UTRN: variants seen among roughly 807,000 people sequenced by gnomAD.
UTRN encodes dystrophin-related protein 1.
A neutral mutation model predicts 463.9 loss-of-function variants in UTRN; 283 were observed. That is an observed-to-expected ratio of 0.61 (90% CI 0.55 to 0.67). The LOEUF (loss-of-function observed/expected upper bound fraction) is 0.67. Ranked by LOEUF, UTRN falls within the 30% of genes least tolerant of loss-of-function variation. The probability of loss-of-function intolerance (pLI) is 0.00; values close to 1 mark genes in which losing one functional copy is unlikely to be tolerated. For missense variants in UTRN, 3,922 were observed against 4,084.3 expected (o/e 0.96, Z 1.08); for synonymous variants, 1,442 against 1,431.5 (o/e 1.01, Z -0.17).
chr6:144,574,717 G>T (rs552205102), intron 50 of UTRN, among the ~76,000 whole-genome samples: 114 of 152,208 alleles, frequency 7.5e-4, no homozygotes, highest in African/African-American at 2.7e-3. Flanking sequence ...GAGTAGCTGG[G>T]ATTACAGGCA....
intron 52 of UTRN, among the ~76,000 whole-genome samples, chr6:144,698,638 G>A (rs1174004665): frequency 6.6e-6 from 1 of 152,186 alleles, no homozygotes; most frequent in South Asian, 2.1e-4. Flanking sequence ...CGCTGGAGTT[G>A]TTTCTGACTG....
intron 29 of UTRN, 25 bp from the exon 30 acceptor site, chr6:144,488,648 A>C (rs1439949835): frequency 1.2e-6 from 2 of 1,605,604 alleles, no homozygotes; most frequent in Non-Finnish European, 1.7e-6. Context: ...TGGGCAACTA[A>C]TGATTCAATT....
At chr6:144,672,264 TC>T (rs1361360577) in intron 51 of UTRN, among the ~76,000 whole-genome samples, 1 of 152,058 alleles carries the variant, frequency 6.6e-6, no homozygotes, top group East Asian at 1.9e-4. Flanking sequence ...CTGATAGAAT[TC>T]GGCTGTGAAT....
chr6:144,424,188 C>A, intron 6 of UTRN, 110 bp downstream of exon 6: 1 of 1,198,392 alleles, frequency 8.3e-7, no homozygotes. Context: ...GCTTGAACAA[C>A]AGAAATTTGT....
chr6:144,730,371 G>T lies in UTRN; in HGVS notation c.7824G>T (p.Glu2608Asp). The T allele has an allele frequency of 6.2e-7, 1 of 1,605,826 alleles. No homozygotes were observed. The highest frequency in any genetic ancestry group is 8.5e-7 in the Non-Finnish European group (1 of 1,175,816). The change falls in exon 54 of 75, where the codon GAG (glutamate) becomes GAT (aspartate). Residue 2608 changes from glutamate (E) to aspartate (D), a missense_variant. Glu to Asp is a conservative substitution (Grantham distance 45). This residue lies in a region of UTRN where 1,309 missense variants were observed against 1,452.6 expected (regional missense o/e 0.90). Coordinates refer to ENST00000367545, the MANE Select transcript of UTRN (RefSeq NM_007124.3). Reference sequence around the variant, plus strand: ...TCTTTTGAAAGGCCCTGAGACGGGAGTTAAAGGAGAAAGAATATTCTGTCC... The same window carrying T: ...TCTTTTGAAAGGCCCTGAGACGGGATTTAAAGGAGAAAGAATATTCTGTCC... ...QYDHCKALRR[E>D]LKEKEYSVLN...
intron 54 of UTRN, among the ~76,000 whole-genome samples, chr6:144,747,678 G>A (rs1214108458): frequency 3.3e-5 from 5 of 152,212 alleles, no homozygotes; most frequent in Non-Finnish European, 5.9e-5. Flanking sequence ...CTGCTAAAAT[G>A]TCTGTGGGCT....
chr6:144,426,536 C>A, intron 7 of UTRN, 77 bp downstream of exon 7: 1 of 1,407,528 alleles, frequency 7.1e-7, no homozygotes, highest in East Asian at 2.6e-5. Flanking sequence ...CACCACTACT[C>A]CCTGAAGCCC....
chr6:144,850,959 T>C, intron 74 of UTRN, 30 bp from the exon 75 acceptor site: 1 of 1,613,564 alleles, frequency 6.2e-7, no homozygotes, highest in Non-Finnish European at 8.5e-7. Context: ...TTGTGCAAAT[T>C]TCTGACAGTG....
intron 3 of UTRN, among the ~76,000 whole-genome samples, chr6:144,417,529 CA>C (rs1267972123): frequency 6.6e-6 from 1 of 151,976 alleles, no homozygotes; most frequent in Non-Finnish European, 1.5e-5. Context: ...ACATATGATA[CA>C]TAGTAAATGC....
chr6:144,495,507 T>G (rs767835586), intron 33 of UTRN, among the ~76,000 whole-genome samples: 30 of 152,170 alleles, frequency 2.0e-4, no homozygotes, highest in Admixed American at 4.6e-4. Context: ...CAGCCCCGGT[T>G]CCCGCTCGCG....
chr6:144,346,875 C>CT (rs1554221281), intron 2 of UTRN, among the ~76,000 whole-genome samples: 2 of 151,214 alleles, frequency 1.3e-5, no homozygotes, highest in East Asian at 1.9e-4. Context: ...ATCTATGTAT[C>CT]ATCTATCTAT....
In UTRN at chr6:144,428,827, A is replaced by G; in HGVS notation, c.628A>G (p.Arg210Gly). The G allele has an allele frequency of 6.2e-7, 1 of 1,612,434 alleles. No individual in the cohort carries two copies. Residue 210 changes from arginine to glycine, a missense_variant, in exon 8 of 75, where the codon AGA becomes GGA. Transcript: ENST00000367545. ...AGTTGTCAAAATGTCACCAATTGAG[A>G]GACTTGAACATGCCTTCAGCAAGGC... ...DKVVKMSPIE[R>G]LEHAFSKAQT...
At chr6:144,612,942 G>A (rs975708329) in intron 51 of UTRN, among the ~76,000 whole-genome samples, 1 of 151,920 alleles carries the variant, frequency 6.6e-6, no homozygotes, top group Non-Finnish European at 1.5e-5. Flanking sequence ...CCAAGATATG[G>A]AAACAACAAC....
intron 51 of UTRN, among the ~76,000 whole-genome samples, chr6:144,638,140 A>T (rs1338006049): frequency 6.6e-6 from 1 of 152,212 alleles, no homozygotes; most frequent in African/African-American, 2.4e-5. Context: ...TGTAGTTTAT[A>T]AACTCCGAAA....
rs750121882 is a variant in UTRN at position 144,458,741 on chromosome 6, CTGTT to C, written c.2285-26_2285-23del. On this transcript the variant is annotated intron_variant, in intron 19 of 74. Transcript: ENST00000367545. Reference sequence around the variant, plus strand: ...CAAGACACATTTTGTAATATATAGACTGTTTGCTTGTTTTTCATGTCTGCATAGA... The same window carrying C: ...CAAGACACATTTTGTAATATATAGACTGCTTGTTTTTCATGTCTGCATAGA... 577 of 1,553,764 alleles carry C rather than the reference CTGTT, an allele frequency of 3.7e-4. 5 individuals carry two copies. Among genetic ancestry groups the C allele is most frequent in the East Asian group, 6.7e-5 (3 of 44,638 alleles).
intron 53 of UTRN, chr6:144,706,998 C>T (rs1424893435): frequency 1.3e-5 from 2 of 152,192 alleles, no homozygotes; most frequent in Non-Finnish European, 2.9e-5. Context: ...TAGGACTATA[C>T]ATAGCACATA....
intron 51 of UTRN, among the ~76,000 whole-genome samples, chr6:144,672,528 T>C (rs1324054841): frequency 1.3e-5 from 2 of 152,120 alleles, no homozygotes; most frequent in African/African-American, 2.4e-5. Flanking sequence ...ATTTCATTTC[T>C]AATTGAGCTC....
At chr6:144,661,825 A>C (rs972748035) in intron 51 of UTRN, among the ~76,000 whole-genome samples, 3 of 152,194 alleles carry the variant, frequency 2.0e-5, no homozygotes, top group African/African-American at 7.2e-5. Context: ...AACCTGCCTC[A>C]GCTTCAAGCC....
chr6:144,826,161 A>AAAAT (rs372490067), intron 66 of UTRN, among the ~76,000 whole-genome samples: 17,767 of 148,588 alleles, frequency 0.12, 1,179 homozygotes, highest in African/African-American at 0.17. Context: ...AATAAAAGAA[A>AAAAT]AAATAAATAA....
Sources: gnomAD v4.1 joint callset for allele counts (sites outside exome capture counted in the v4.1 genomes callset) on GRCh38, gnomAD v4.1.1 for gene constraint, gnomAD v4.1.1 regional missense constraint, MANE v1.5 for transcripts, NCBI Gene and HGNC (gene_info 2026-07-23, HGNC 2026-07-21) for gene names.